Variants in KIF6 observed in about 807,000 individuals in gnomAD.
KIF6 encodes kinesin-like protein KIF6.
A neutral mutation model predicts 112.7 loss-of-function variants in KIF6; 106 were observed. The observed-to-expected ratio is 0.94, with a 90% CI of 0.80 to 1.11. The LOEUF is 1.11. Among genes scored for constraint, KIF6 ranks in the 50% least tolerant of loss-of-function variants. The pLI is 0.00. For synonymous variants in KIF6, 339 were observed against 339.9 expected (o/e 1.00, Z 0.03); for missense variants, 929 against 964.0 (o/e 0.96, Z 0.48).
intron 3 of KIF6, among the ~76,000 whole-genome samples, chr6:39,676,461 G>A (rs571167891): frequency 8.2e-4 from 125 of 152,158 alleles, no homozygotes; most frequent in Non-Finnish European, 1.6e-3. Flanking sequence ...TGTACTTCAG[G>A]AAGAAGGAAA....
At position 39,704,082 on chromosome 6, in the gene KIF6, A is replaced by G. The variant is rs1789040749; in HGVS notation, c.251+10610T>C. On this transcript the variant is annotated intron_variant, in intron 3 of 22. Transcript: ENST00000287152. ...CCAAATCTAAAAAGAGTTAAGGGGGAAAAAAATCATACAGAAAAACATTCA... is the reference window on the plus strand; with the variant it reads ...CCAAATCTAAAAAGAGTTAAGGGGGGAAAAAATCATACAGAAAAACATTCA... Among the ~76,000 whole-genome samples, 3 of 152,096 alleles carry G rather than the reference A, an allele frequency of 2.0e-5. No individual in the cohort carries two copies. In the South Asian group the frequency reaches 6.2e-4, roughly 32 times the overall value.
At chr6:39,520,979 A>G (rs1777366236) in intron 13 of KIF6, among the ~76,000 whole-genome samples, 1 of 152,222 alleles carries the variant, frequency 6.6e-6, no homozygotes. Context: ...CTACAAACAA[A>G]GGCAGAGTTC....
intron 13 of KIF6, among the ~76,000 whole-genome samples, chr6:39,434,685 G>A (rs867453758): frequency 4.2e-4 from 64 of 152,274 alleles, no homozygotes; most frequent in Middle Eastern, 3.4e-3. Flanking sequence ...CAGCATGCGG[G>A]AGAGGGAGGG....
chr6:39,529,282 G>A (rs1203609618), intron 13 of KIF6, among the ~76,000 whole-genome samples: 1 of 152,142 alleles, frequency 6.6e-6, no homozygotes, highest in Non-Finnish European at 1.5e-5. Context: ...GAAAGTGTAG[G>A]CAACAAAGGC....
chr6:39,595,800 A>G (rs1782218842), intron 7 of KIF6, among the ~76,000 whole-genome samples: 1 of 152,166 alleles, frequency 6.6e-6, no homozygotes, highest in South Asian at 2.1e-4. Flanking sequence ...CAGGGACTAG[A>G]GTATAGGGGA....
chr6:39,662,282 C>T (rs1786198247), intron 3 of KIF6, among the ~76,000 whole-genome samples: 1 of 152,076 alleles, frequency 6.6e-6, no homozygotes, highest in African/African-American at 2.4e-5. Context: ...TTTTAAGTTG[C>T]TATGTGCTTA....
intron 7 of KIF6, among the ~76,000 whole-genome samples, chr6:39,593,864 C>T (rs1782089846): frequency 6.6e-6 from 1 of 152,218 alleles, no homozygotes; most frequent in African/African-American, 2.4e-5. Flanking sequence ...ACAAGCTCCT[C>T]TCACTCCTTT....
intron 9 of KIF6, among the ~76,000 whole-genome samples, chr6:39,581,996 T>C (rs1484627661): frequency 1.3e-5 from 2 of 152,228 alleles, no homozygotes; most frequent in Non-Finnish European, 2.9e-5. Context: ...AGAATTTTAC[T>C]GAAATGTATC....
At chr6:39,395,972 A>C (rs141275839) in intron 15 of KIF6, among the ~76,000 whole-genome samples, 1 of 152,204 alleles carries the variant, frequency 6.6e-6, no homozygotes, top group Admixed American at 6.5e-5. Flanking sequence ...TTTCACTCCA[A>C]AATAAAACTT....
In KIF6 at chr6:39,573,541, G is replaced by T. The variant is rs1323053052; in HGVS notation, c.1181+4515C>A. Among the ~76,000 whole-genome samples the T allele has an allele frequency of 2.0e-5, 3 of 152,142 alleles. No homozygotes were observed. In the East Asian group the frequency reaches 5.8e-4, roughly 29 times the overall value. Reference sequence around the variant, plus strand: ...CGAGTGCCAAATTTACTACTTTTGTGAAACTGTATGATTTGCTTTGGCAGG... The same window carrying T: ...CGAGTGCCAAATTTACTACTTTTGTTAAACTGTATGATTTGCTTTGGCAGG... On this transcript the variant is annotated intron_variant, in intron 10 of 22. Coordinates refer to ENST00000287152, the MANE Select transcript of KIF6 (RefSeq NM_145027.6).
At chr6:39,435,800 T>A (rs1305373311) in intron 13 of KIF6, among the ~76,000 whole-genome samples, 2 of 152,208 alleles carry the variant, frequency 1.3e-5, no homozygotes, top group African/African-American at 4.8e-5. Context: ...TCTTTGCAAT[T>A]GTAAATTGCG....
At chr6:39,713,641 G>C (rs1352710256) in intron 3 of KIF6, among the ~76,000 whole-genome samples, 1 of 152,164 alleles carries the variant, frequency 6.6e-6, no homozygotes. Flanking sequence ...CAACCCAAAT[G>C]ATTACTAAAA....
At chr6:39,686,440 C>T (rs1008726359) in intron 3 of KIF6, among the ~76,000 whole-genome samples, 2 of 152,178 alleles carry the variant, frequency 1.3e-5, no homozygotes, top group African/African-American at 4.8e-5. Context: ...AAGCAGCTTT[C>T]TCTTATAGTC....
intron 14 of KIF6, among the ~76,000 whole-genome samples, chr6:39,429,691 C>T (rs769886196): frequency 2.4e-4 from 36 of 152,174 alleles, no homozygotes; most frequent in Admixed American, 7.9e-4. Flanking sequence ...GGGCGGAACA[C>T]GAGGTCAGCA....
rs1763434379 is a variant in KIF6, at chr6:39,343,122, G to C, written c.2428+587C>G. Reference sequence around the variant, plus strand: ...GGCCCAGCCACAGCAGATGGGAGATGGGCAGCTGCCAAGAGGACGGGGCTG... The same window carrying C: ...GGCCCAGCCACAGCAGATGGGAGATCGGCAGCTGCCAAGAGGACGGGGCTG... On this transcript the variant is annotated intron_variant, in intron 22 of 22. Transcript: ENST00000287152. The surrounding 1 kb of genome is among the most constrained non-coding windows in gnomAD (Gnocchi z 4.1). 2.0e-6 allele frequency: 2 copies of C among 985,412 alleles called. No individual in the cohort carries two copies. The highest frequency in any genetic ancestry group is 2.4e-6 in the Non-Finnish European group (2 of 829,908). 61.0% of individuals were successfully genotyped at this position (985,412 alleles called of 1,614,324 possible).
chr6:39,533,849 T>C (rs1778236047), intron 13 of KIF6, among the ~76,000 whole-genome samples: 1 of 152,138 alleles, frequency 6.6e-6, no homozygotes, highest in Admixed American at 6.5e-5. Context: ...GGCCGGGTAC[T>C]CCTCTGAGAC....
At chr6:39,439,177 T>C (rs17352506) in intron 13 of KIF6, among the ~76,000 whole-genome samples, 3,386 of 152,330 alleles carry the variant, frequency 0.022, 67 homozygotes, top group Non-Finnish European at 0.029. Context: ...ATTTCAGTGC[T>C]AGCAAAGAAA....
rs193227706 is a variant in KIF6 at position 39,689,418 on chromosome 6, C to T, written c.251+25274G>A. Among the ~76,000 whole-genome samples the T allele has an allele frequency of 1.8e-3, 276 of 151,844 alleles. 2 individuals carry two copies. The highest frequency in any genetic ancestry group is 6.8e-3 in the Middle Eastern group (2 of 292). ...GGCTGATGTGGGAGGATCGCCTGAGCGTGGGGAGGCTGAGGCTGCAATGAG... is the reference window on the plus strand; with the variant it reads ...GGCTGATGTGGGAGGATCGCCTGAGTGTGGGGAGGCTGAGGCTGCAATGAG... On this transcript the variant is annotated intron_variant, in intron 3 of 22. Coordinates refer to ENST00000287152, the MANE Select transcript of KIF6 (RefSeq NM_145027.6).
intron 1 of KIF6, among the ~76,000 whole-genome samples, chr6:39,722,849 C>T (rs927907400): frequency 6.6e-6 from 1 of 152,168 alleles, no homozygotes; most frequent in African/African-American, 2.4e-5. Context: ...CCTAAAACTA[C>T]TTCCTGGAGG....
Sources: gnomAD v4.1 joint callset for allele counts (sites outside exome capture counted in the v4.1 genomes callset) on GRCh38, gnomAD v4.1.1 for gene constraint, Gnocchi (gnomAD v3.1) non-coding constraint, MANE v1.5 for transcripts, NCBI Gene and HGNC (gene_info 2026-07-23, HGNC 2026-07-21) for gene names.